The following PCDHA7 variants were observed in gnomAD, a reference collection of about 807,000 sequenced individuals.
PCDHA7 encodes the protein protocadherin alpha-7.
A neutral mutation model predicts 57.2 loss-of-function variants in PCDHA7; 37 were observed. The observed-to-expected ratio is 0.65, with a 90% CI of 0.50 to 0.85. PCDHA7 has a LOEUF of 0.85. Ranked by LOEUF, PCDHA7 falls within the 40% of genes least tolerant of loss-of-function variation. PCDHA7 has a pLI of 0.00. For synonymous variants in PCDHA7, 553 were observed against 558.8 expected, an observed-to-expected ratio of 0.99 and a Z score of 0.15; for missense variants, 1,188 against 1,241.8, an observed-to-expected ratio of 0.96 and a Z score of 0.65.
chr5:140,935,280 G>A (rs1039041502), intron 1 of PCDHA7, among the ~76,000 whole-genome samples: 2 of 152,114 alleles, frequency 1.3e-5, no homozygotes, highest in Admixed American at 6.5e-5. Context: ...ATCTAATAAA[G>A]TTCAGCACTC....
intron 1 of PCDHA7, among the ~76,000 whole-genome samples, chr5:140,855,303 A>C (rs1045706471): frequency 6.7e-6 from 1 of 149,854 alleles, no homozygotes; most frequent in Admixed American, 6.7e-5. Context: ...CAAAGTTATA[A>C]AATTGGAACA....
chr5:140,993,128 T>A (rs1250312762), intron 3 of PCDHA7, among the ~76,000 whole-genome samples: 2 of 152,234 alleles, frequency 1.3e-5, no homozygotes, highest in Non-Finnish European at 2.9e-5. Flanking sequence ...AATTTCCTTC[T>A]GTTGCAACAA....
intron 1 of PCDHA7, among the ~76,000 whole-genome samples, chr5:140,912,293 C>T (rs1231004722): frequency 6.6e-6 from 1 of 152,110 alleles, no homozygotes; most frequent in Admixed American, 6.6e-5. Flanking sequence ...AATACTTTGC[C>T]TCCTGTAATC....
At chr5:140,863,749 G>A (rs1346198553) in intron 1 of PCDHA7, 2 of 245,258 alleles carry the variant, frequency 8.2e-6, no homozygotes, top group African/African-American at 2.2e-5. Context: ...TTGTAATCCC[G>A]GCACTTTGGG....
chr5:141,000,393 C>A (rs60881126), intron 3 of PCDHA7, among the ~76,000 whole-genome samples: 1,562 of 52,558 alleles, frequency 0.03, 14 homozygotes, highest in East Asian at 0.037. Context: ...CTCTCTCTCT[C>A]TCTATATATA....
chr5:140,991,019 T>G (rs1333119856), intron 3 of PCDHA7, among the ~76,000 whole-genome samples: 1 of 152,178 alleles, frequency 6.6e-6, no homozygotes, highest in Non-Finnish European at 1.5e-5. Flanking sequence ...GATAAGCACT[T>G]TACATATGTT....
At chr5:140,958,868 A>G (rs2095446207) in intron 1 of PCDHA7, among the ~76,000 whole-genome samples, 2 of 152,108 alleles carry the variant, frequency 1.3e-5, no homozygotes, top group Non-Finnish European at 2.9e-5. Context: ...CTGGGTTTAT[A>G]AAAGAATTGA....
intron 3 of PCDHA7, among the ~76,000 whole-genome samples, chr5:140,988,254 T>G (rs910037234): frequency 6.6e-6 from 1 of 152,188 alleles, no homozygotes; most frequent in East Asian, 1.9e-4. Context: ...AGCTCCCGCC[T>G]GTGAGTATCC....
intron 1 of PCDHA7, among the ~76,000 whole-genome samples, chr5:140,909,351 T>C (rs2153508982): frequency 6.6e-6 from 1 of 152,238 alleles, no homozygotes; most frequent in African/African-American, 2.4e-5. Context: ...TACCAAGAGA[T>C]GTGTTAATTT....
Position 140,883,341 on chromosome 5 carries a change from C to A in PCDHA7, c.2355+46603C>A, listed in dbSNP as rs144000682. The A allele has an allele frequency of 4.3e-5, 70 of 1,614,144 alleles. No homozygotes were observed. The African/African-American group carries it at 9.1e-4, about 21-fold the overall frequency. The stretch of plus-strand genomic sequence containing the variant: ...GTTACCATCACTTCTTTGTCACTCC[C>A]CATCAGAGAAGACACTCAGCCTAGC... On this transcript the variant is annotated intron_variant, in intron 1 of 3. Transcript: ENST00000525929.
At chr5:140,990,107 A>C (rs1359747896) in intron 3 of PCDHA7, among the ~76,000 whole-genome samples, 1 of 152,044 alleles carries the variant, frequency 6.6e-6, no homozygotes, top group East Asian at 1.9e-4. Context: ...TGAAACAGGA[A>C]ATTGAGAGCT....
At chr5:140,921,850 G>C (rs2080436717) in intron 1 of PCDHA7, among the ~76,000 whole-genome samples, 1 of 151,984 alleles carries the variant, frequency 6.6e-6, no homozygotes, top group African/African-American at 2.4e-5. Context: ...ATTTATAGAT[G>C]TGTGTGTATA....
At position 140,876,586 on chromosome 5, in the gene PCDHA7, A is replaced by C. The variant is rs782256478; in HGVS notation, c.2355+39848A>C. 3 of 1,614,148 alleles carry C rather than the reference A, an allele frequency of 1.9e-6. No individual in the cohort carries two copies. The South Asian group carries it at 3.3e-5, about 18-fold the overall frequency. On this transcript the variant is annotated intron_variant, in intron 1 of 3. Transcript: ENST00000525929. Reference sequence around the variant, plus strand: ...TCAGGTGGGTACCGTCATTGCCCTGATTAGCGTGTCGGATCGTGACTCTGG... The same window carrying C: ...TCAGGTGGGTACCGTCATTGCCCTGCTTAGCGTGTCGGATCGTGACTCTGG...
chr5:140,902,203 C>CTTTTTTTT (rs148688132), intron 1 of PCDHA7, among the ~76,000 whole-genome samples: 9 of 124,444 alleles, frequency 7.2e-5, no homozygotes, highest in Non-Finnish European at 8.4e-5. Context: ...CTCTCTCTTT[C>CTTTTTTTT]TTTTTTTTTT....
At chr5:140,896,113 T>G (rs10053583) in intron 1 of PCDHA7, among the ~76,000 whole-genome samples, 1 of 152,170 alleles carries the variant, frequency 6.6e-6, no homozygotes, top group East Asian at 1.9e-4. Flanking sequence ...GCCTGGCCAA[T>G]GTACTGCATT....
intron 1 of PCDHA7, among the ~76,000 whole-genome samples, chr5:140,875,000 C>A (rs2055209641): frequency 3.3e-5 from 5 of 152,130 alleles, no homozygotes; most frequent in Admixed American, 3.3e-4. Flanking sequence ...TATCATTTTC[C>A]ATGATAAAGT....
At chr5:140,956,454 A>G (rs1276644004) in intron 1 of PCDHA7, among the ~76,000 whole-genome samples, 1 of 152,212 alleles carries the variant, frequency 6.6e-6, no homozygotes, top group African/African-American at 2.4e-5. Flanking sequence ...AATTACATTT[A>G]TTGATTTGCA....
rs138893413 is a variant in PCDHA7, at chr5:140,976,899, T to C, written c.2356-2050T>C. Among the ~76,000 whole-genome samples, 191 of 152,340 alleles carry C rather than the reference T, an allele frequency of 1.3e-3. 1 individual carries two copies. The highest frequency in any genetic ancestry group is 4.3e-3 in the African/African-American group (179 of 41,576). ...AAGAATTAGGATACATGCAACAGTA[T>C]GTAATAAAGTGCAAAATCTAGTACT... On this transcript the variant is annotated intron_variant, in intron 1 of 3. Transcript: ENST00000525929.
chr5:140,979,405 C>A (rs2096849045), intron 2 of PCDHA7, among the ~76,000 whole-genome samples: 1 of 151,828 alleles, frequency 6.6e-6, no homozygotes, highest in Non-Finnish European at 1.5e-5. Flanking sequence ...TGTTGTCTAC[C>A]TTGTTTTTTT....
Sources: allele counts gnomAD v4.1 joint callset (sites outside exome capture counted in the v4.1 genomes callset), GRCh38; gene constraint gnomAD v4.1.1; transcripts MANE v1.5; gene names NCBI Gene and HGNC (gene_info 2026-07-23, HGNC 2026-07-21).